Variants in CEACAM16 observed in about 807,000 individuals in gnomAD.
CEACAM16 encodes the protein CEA cell adhesion molecule 16, tectorial membrane component, also known as cell adhesion molecule CEACAM16.
Under a neutral mutation model 39.4 loss-of-function variants are expected in CEACAM16, and 30 were observed. That is an observed-to-expected ratio of 0.76 (90% CI 0.57 to 1.03). CEACAM16 has a LOEUF of 1.03. Ranked by LOEUF, CEACAM16 falls within the 50% of genes least tolerant of loss-of-function variation. The pLI, the probability that CEACAM16 is intolerant of heterozygous loss-of-function variation, is 0.00. For synonymous variants in CEACAM16, 262 were observed against 264.9 expected, an observed-to-expected ratio of 0.99 and a Z score of 0.11; for missense variants, 521 against 585.3, an observed-to-expected ratio of 0.89 and a Z score of 1.13.
chr19:44,706,370 A>G (rs922685903), intron 5 of CEACAM16, among the ~76,000 whole-genome samples: 2 of 151,922 alleles, frequency 1.3e-5, no homozygotes, highest in South Asian at 2.1e-4. Context: ...AGGCATTGTC[A>G]TCTTGCTTCT....
Position 44,703,767 on chromosome 19 carries a change from A to T in CEACAM16, c.382+74A>T, listed in dbSNP as rs71364503. On this transcript the variant is annotated intron_variant, in intron 3 of 6. Coordinates refer to ENST00000587331, the MANE Select transcript of CEACAM16 (RefSeq NM_001039213.4). Reference sequence around the variant, plus strand: ...CTCCTTCTCAATCCTTCTTTTTTTTAAAAAAAAAAAAAATCCAACAAATCA... The same window carrying T: ...CTCCTTCTCAATCCTTCTTTTTTTTTAAAAAAAAAAAAATCCAACAAATCA... 0.028 allele frequency: 9,606 copies of T among 345,270 alleles called. 26 individuals carry two copies. The highest frequency in any genetic ancestry group is 0.14 in the East Asian group (1,547 of 10,712). 21.4% of individuals were successfully genotyped at this position (345,270 alleles called of 1,614,324 possible). A position where few individuals can be genotyped will look rare whatever the true frequency, so the allele number is the denominator to read the frequency against.
In CEACAM16 at chr19:44,710,691, C is replaced by G. The variant is rs1048958791; in HGVS notation, c.*185C>G. The G allele has an allele frequency of 1.4e-6, 1 of 719,304 alleles. No individual in the cohort carries two copies. Among genetic ancestry groups the G allele is most frequent in the Non-Finnish European group, 2.3e-6 (1 of 438,280 alleles). 44.6% of individuals were successfully genotyped at this position (719,304 alleles called of 1,614,324 possible). ...CCTCGCTGAGCTGTTGGGGAGCCAC[C>G]GAGGCCATAAACGTCCTGGTTAATG... On this transcript the variant is annotated 3_prime_UTR_variant, in exon 7 of 7. Coordinates refer to ENST00000587331, the MANE Select transcript of CEACAM16 (RefSeq NM_001039213.4).
Position 44,710,582 on chromosome 19 carries a change from C to G in CEACAM16, c.*76C>G. 6.3e-7 allele frequency: 1 copy of G among 1,589,080 alleles called. No individual in the cohort carries two copies. The highest frequency in any genetic ancestry group is 2.2e-5 in the East Asian group (1 of 44,766). On this transcript the variant is annotated 3_prime_UTR_variant, in exon 7 of 7. Coordinates refer to ENST00000587331, the MANE Select transcript of CEACAM16 (RefSeq NM_001039213.4). ...TGGTCCTCGCCCTCTGAGTGGGAACCACTCCCCCACAGCGAGGATGCCAGG... is the reference window on the plus strand; with the variant it reads ...TGGTCCTCGCCCTCTGAGTGGGAACGACTCCCCCACAGCGAGGATGCCAGG...
At chr19:44,703,256 G>A in intron 2 of CEACAM16, 93 bp from the exon 3 acceptor site, 1 of 1,147,250 alleles carries the variant, frequency 8.7e-7, no homozygotes, top group South Asian at 1.5e-5. Context: ...ACACTGGGCT[G>A]GGGACATGCC....
Position 44,703,651 on chromosome 19 carries a change from C to G in CEACAM16, c.340C>G (p.Gln114Glu), listed in dbSNP as rs765892966. 3 of 1,589,818 alleles carry G rather than the reference C, an allele frequency of 1.9e-6. No individual in the cohort carries two copies. Among genetic ancestry groups the G allele is most frequent in the South Asian group, 2.3e-5 (2 of 88,380 alleles). The change falls in exon 3 of 7, where the codon CAG becomes GAG. Residue 114 changes from glutamine (Q) to glutamate (E), a missense_variant. By Grantham distance (29) the Gln-to-Glu change is conservative. Coordinates refer to ENST00000587331, the MANE Select transcript of CEACAM16 (RefSeq NM_001039213.4). ...CTACATCCTGCAGACCTTCAACAGG[C>G]AGTTGCAGACCGAGGTGGGCTACGG... ...GTYILQTFNR[Q>E]LQTEVGYGHV...
At position 44,708,195 on chromosome 19, in the gene CEACAM16, T is replaced by G. The variant is rs774230396; in HGVS notation, c.1267+8T>G. The G allele has an allele frequency of 6.4e-7, 1 of 1,554,072 alleles. No individual in the cohort carries two copies. The highest frequency in any genetic ancestry group is 2.4e-5 in the East Asian group (1 of 42,108). Reference sequence around the variant, plus strand: ...TGGAGCTGCAGGTGGCCCGTGAGTGTGTGGGAAGGGGCAAGGCGTGCCCCT... The same window carrying G: ...TGGAGCTGCAGGTGGCCCGTGAGTGGGTGGGAAGGGGCAAGGCGTGCCCCT... On this transcript the variant is annotated splice_region_variant and intron_variant, in intron 6 of 6. Transcript: ENST00000587331.
chr19:44,707,678 C>G (rs1974470520), intron 5 of CEACAM16, among the ~76,000 whole-genome samples, 183 bp from the exon 6 acceptor site: 1 of 152,196 alleles, frequency 6.6e-6, no homozygotes, highest in Admixed American at 6.5e-5. Flanking sequence ...CAGACCCCAG[C>G]AGACACTACT....
rs186698275 is a variant in CEACAM16 at position 44,710,263 on chromosome 19, G to A, written c.1268-233G>A. Among the ~76,000 whole-genome samples the A allele has an allele frequency of 1.9e-3, 291 of 152,322 alleles. 3 individuals carry two copies. The highest frequency in any genetic ancestry group is 3.8e-4 in the Non-Finnish European group (26 of 68,024). On this transcript the variant is annotated intron_variant, in intron 6 of 6. Coordinates refer to ENST00000587331, the MANE Select transcript of CEACAM16 (RefSeq NM_001039213.4). ...AGTGGCAGCAGGCCACCCCGGCAAAGCCTTGGGATTCCTTTTCACCCATTC... is the reference window on the plus strand; with the variant it reads ...AGTGGCAGCAGGCCACCCCGGCAAAACCTTGGGATTCCTTTTCACCCATTC...
chr19:44,708,064 G>A lies in CEACAM16; in HGVS notation c.1144G>A (p.Gly382Ser). Residue 382 changes from glycine to serine, a missense_variant, in exon 6 of 7, where the codon GGC becomes AGC. Gly to Ser is a moderately conservative substitution (Grantham distance 56). Transcript: ENST00000587331. The stretch of plus-strand genomic sequence containing the variant: ...CCCCGCGCACACAGGCCGGGAGGTG[G>A]GCTTCCCCAACTGCTCGCTGTTGGT... The part of the protein sequence containing the change: ...AGPAHTGREV[G>S]FPNCSLLVQK... The A allele has an allele frequency of 1.2e-6, 2 of 1,612,738 alleles. No homozygotes were observed. Among genetic ancestry groups the A allele is most frequent in the Non-Finnish European group, 1.7e-6 (2 of 1,179,596 alleles).
intron 1 of CEACAM16, among the ~76,000 whole-genome samples, chr19:44,700,639 C>A (rs1040939334): frequency 1.3e-5 from 2 of 152,214 alleles, no homozygotes; most frequent in Admixed American, 1.3e-4. Flanking sequence ...CCCAGCCCCA[C>A]TTTGGGTAAG....
intron 3 of CEACAM16, 72 bp downstream of exon 3, chr19:44,703,765 TTAAA>T: frequency 3.3e-6 from 4 of 1,211,456 alleles, no homozygotes; most frequent in African/African-American, 1.6e-5. Flanking sequence ...CTTCTTTTTT[TTAAA>T]AAAAAAAAAA....
At chr19:44,706,825 C>A (rs1974457932) in intron 5 of CEACAM16, among the ~76,000 whole-genome samples, 1 of 152,216 alleles carries the variant, frequency 6.6e-6, no homozygotes, top group Non-Finnish European at 1.5e-5. Context: ...GGGCTTCTAG[C>A]ACTGTCAGCA....
intron 4 of CEACAM16, 118 bp from the exon 5 acceptor site, chr19:44,705,472 C>T: frequency 9.5e-7 from 1 of 1,054,788 alleles, no homozygotes; most frequent in Non-Finnish European, 1.3e-6. Context: ...GCTTTTTTTC[C>T]CCTCCACTAG....
intron 5 of CEACAM16, among the ~76,000 whole-genome samples, chr19:44,706,267 TATACACAC>T (rs1568163464): frequency 2.9e-5 from 2 of 70,152 alleles, no homozygotes; most frequent in African/African-American, 1.4e-4. Flanking sequence ...AGATGATGGG[TATACACAC>T]ACACACACAC....
At chr19:44,703,993 C>A in intron 3 of CEACAM16, 25 bp from the exon 4 acceptor site, 1 of 1,558,188 alleles carries the variant, frequency 6.4e-7, no homozygotes, top group Admixed American at 1.8e-5. Context: ...CCGGCCCCCT[C>A]CCCCTCTGTC....
intron 4 of CEACAM16, among the ~76,000 whole-genome samples, chr19:44,705,328 A>G (rs1166180447): frequency 6.6e-5 from 10 of 152,124 alleles, no homozygotes; most frequent in South Asian, 4.1e-4. Flanking sequence ...TTATTTGTCA[A>G]TGGAGCCATA....
In CEACAM16 at chr19:44,710,502, G is replaced by A; in HGVS notation, c.1274G>A (p.Gly425Glu). The A allele has an allele frequency of 6.2e-7, 1 of 1,613,654 alleles. No homozygotes were observed. The highest frequency in any genetic ancestry group is 8.5e-7 in the Non-Finnish European group (1 of 1,179,676). ...LEVELQVAPL[G>E] Reference sequence around the variant, plus strand: ...CGCCCCATATGCCCCACAGCCCTGGGGTAACAGCGTGACCCTGGAGACGTC... The same window carrying A: ...CGCCCCATATGCCCCACAGCCCTGGAGTAACAGCGTGACCCTGGAGACGTC... Residue 425 changes from glycine (G) to glutamate (E), a missense_variant, in exon 7 of 7, where the codon GGG (glycine) becomes GAG (glutamate). By Grantham distance (98) the Gly-to-Glu change is moderately conservative. Coordinates refer to ENST00000587331, the MANE Select transcript of CEACAM16 (RefSeq NM_001039213.4).
At chr19:44,702,523 G>C (rs1002052350) in intron 2 of CEACAM16, among the ~76,000 whole-genome samples, 16 of 152,398 alleles carry the variant, frequency 1.0e-4, no homozygotes, top group Non-Finnish European at 2.1e-4. Flanking sequence ...CGTGAGCACT[G>C]TCACAGCCGC....
At chr19:44,708,519 G>C (rs902302585) in intron 6 of CEACAM16, among the ~76,000 whole-genome samples, 1 of 152,198 alleles carries the variant, frequency 6.6e-6, no homozygotes. Context: ...GTCTGATGGT[G>C]GAGCATCCTT....
Sources: allele counts gnomAD v4.1 joint callset (sites outside exome capture counted in the v4.1 genomes callset), GRCh38; gene constraint gnomAD v4.1.1; transcripts MANE v1.5; gene names NCBI Gene and HGNC (gene_info 2026-07-23, HGNC 2026-07-21).